METTL21A: variants seen among roughly 807,000 people sequenced by gnomAD.
METTL21A encodes the protein methyltransferase 21A, HSPA lysine.
In METTL21A, 22 loss-of-function variants were observed where a neutral mutation model predicts 20.9. The observed-to-expected ratio is 1.05, with a 90% CI of 0.75 to 1.50. The LOEUF (loss-of-function observed/expected upper bound fraction) is 1.50, where lower values mean the gene tolerates loss of function less well. METTL21A is among the 40% of genes most tolerant of loss of function. The probability of loss-of-function intolerance (pLI) is 0.00; values close to 1 mark genes in which losing one functional copy is unlikely to be tolerated. For missense variants in METTL21A, 271 were observed against 266.8 expected (o/e 1.02, Z -0.11); for synonymous variants, 93 against 102.0 (o/e 0.91, Z 0.53).
At chr2:207,603,551 G>A (rs1161625312) in intron 3 of METTL21A, 1 of 223,486 alleles carries the variant, frequency 4.5e-6, no homozygotes, top group African/African-American at 2.2e-5. Context: ...GTGTTGGAAG[G>A]CAGCAAAACT....
At chr2:207,604,149 G>C (rs1471910891), downstream of METTL21A, among the ~76,000 whole-genome samples, 1 of 152,186 alleles carries the variant, frequency 6.6e-6, no homozygotes, top group East Asian at 1.9e-4. Flanking sequence ...CCACGTTCAG[G>C]TGCTTGGACC....
chr2:207,614,092 A>C (rs2089354835), intron 3 of METTL21A, among the ~76,000 whole-genome samples: 1 of 152,108 alleles, frequency 6.6e-6, no homozygotes, highest in Non-Finnish European at 1.5e-5. Flanking sequence ...GCTAAAATGG[A>C]ATCCAAGAAT....
At chr2:207,599,873 T>C (rs1424055876) in intron 3 of METTL21A, 4 of 195,248 alleles carry the variant, frequency 2.0e-5, no homozygotes, top group African/African-American at 9.3e-5. Flanking sequence ...AATGTCATCA[T>C]AGGAATTTGT....
chr2:207,622,161 ATTTTTTTT>A (rs11326646), intron 2 of METTL21A, among the ~76,000 whole-genome samples: 1 of 122,304 alleles, frequency 8.2e-6, no homozygotes. Flanking sequence ...GGAAAGCTTA[ATTTTTTTT>A]TTTTTTTTTT....
At chr2:207,601,619 A>G (rs2106636870) in intron 3 of METTL21A, 1 of 209,036 alleles carries the variant, frequency 4.8e-6, no homozygotes, top group African/African-American at 2.3e-5. Flanking sequence ...GTATGCCAAA[A>G]TATCCATTAA....
chr2:207,583,385 A>G (rs911290758), intron 3 of METTL21A, among the ~76,000 whole-genome samples: 1 of 152,222 alleles, frequency 6.6e-6, no homozygotes, highest in Non-Finnish European at 1.5e-5. Flanking sequence ...TCTCCGACAG[A>G]AACTTGGCTT....
intron 3 of METTL21A, among the ~76,000 whole-genome samples, chr2:207,585,882 G>A (rs1019253652): frequency 3.3e-5 from 5 of 152,052 alleles, no homozygotes; most frequent in Non-Finnish European, 7.4e-5. Context: ...ACATCATAAA[G>A]CAAACAAATA....
intron 3 of METTL21A, among the ~76,000 whole-genome samples, chr2:207,617,441 A>G (rs1022687307): frequency 2.6e-5 from 4 of 152,238 alleles, no homozygotes; most frequent in Admixed American, 6.5e-5. Context: ...TGAGGCATGA[A>G]CCAAGGAAAA....
downstream of METTL21A, among the ~76,000 whole-genome samples, chr2:207,607,837 T>C (rs554491019): frequency 9.9e-5 from 15 of 151,658 alleles, 1 homozygote; most frequent in East Asian, 2.9e-3. Flanking sequence ...GGATTAGGTT[T>C]CTATCTTTGA....
At chr2:207,588,323 C>A (rs960579290) in intron 3 of METTL21A, among the ~76,000 whole-genome samples, 1 of 152,048 alleles carries the variant, frequency 6.6e-6, no homozygotes, top group Non-Finnish European at 1.5e-5. Context: ...ATTGCCCTTG[C>A]TCTTTTTTTC....
intron 3 of METTL21A, chr2:207,620,634 G>A (rs1393825921): frequency 1.3e-6 from 2 of 1,530,946 alleles, no homozygotes; most frequent in Admixed American, 2.0e-5. Flanking sequence ...AATGTTCTAA[G>A]GCTCACCTGA....
At chr2:207,590,366 T>C (rs1279131204) in intron 3 of METTL21A, among the ~76,000 whole-genome samples, 2 of 151,888 alleles carry the variant, frequency 1.3e-5, no homozygotes, top group Admixed American at 6.6e-5. Flanking sequence ...TTTTTTTAAG[T>C]CTGGCTAAAG....
exon 4 of METTL21A, chr2:207,612,782 G>A (rs1312654652): frequency 3.0e-6 from 1 of 332,826 alleles, no homozygotes; most frequent in Non-Finnish European, 5.4e-6. Flanking sequence ...GGAGGAGTAT[G>A]GGATACACAA....
At chr2:207,604,467 C>G (rs979039292), downstream of METTL21A, among the ~76,000 whole-genome samples, 11 of 118,666 alleles carry the variant, frequency 9.3e-5, no homozygotes, top group Middle Eastern at 3.7e-3. Flanking sequence ...TTCTTCTTAA[C>G]TGTGCGTCCT....
intron 3 of METTL21A, among the ~76,000 whole-genome samples, chr2:207,604,022 C>G (rs1401489400): frequency 6.6e-6 from 1 of 152,168 alleles, no homozygotes; most frequent in Non-Finnish European, 1.5e-5. Context: ...TTTTCTGCAA[C>G]AACGATTACA....
chr2:207,626,053 C>G (rs1033318534), upstream of METTL21A: 1 of 152,342 alleles, frequency 6.6e-6, no homozygotes, highest in African/African-American at 2.4e-5. Context: ...CGGCCCCAGG[C>G]GGCGCTGCAG....
intron 3 of METTL21A, among the ~76,000 whole-genome samples, chr2:207,616,855 T>TA (rs1247641984): frequency 6.6e-6 from 1 of 151,726 alleles, no homozygotes; most frequent in Non-Finnish European, 1.5e-5. Context: ...AAAGAAAAAA[T>TA]AGAGTGAAAT....
downstream of METTL21A, among the ~76,000 whole-genome samples, chr2:207,605,967 T>A (rs2088025222): frequency 1.3e-5 from 2 of 152,350 alleles, no homozygotes; most frequent in South Asian, 4.1e-4. Flanking sequence ...TTTTCTGGAA[T>A]TAAAATTAGA....
intron 3 of METTL21A, among the ~76,000 whole-genome samples, chr2:207,596,412 CTTGT>C (rs1364575482): frequency 2.6e-5 from 4 of 152,094 alleles, no homozygotes; most frequent in African/African-American, 4.8e-5. Flanking sequence ...TCATTTAGGT[CTTGT>C]TTGTTTATGG....
Sources: allele counts gnomAD v4.1 joint callset (sites outside exome capture counted in the v4.1 genomes callset), GRCh38; gene constraint gnomAD v4.1.1; transcripts MANE v1.5; gene names NCBI Gene and HGNC (gene_info 2026-07-23, HGNC 2026-07-21).